Variants in COL21A1 observed in about 807,000 individuals in gnomAD.
The protein encoded by COL21A1 is collagen type XXI alpha 1 chain, also known as collagen alpha-1(XXI) chain.
COL21A1 carries 149 observed loss-of-function variants against 137.9 expected under a neutral mutation model. The ratio of observed to expected loss-of-function variants is 1.08; its 90% confidence interval spans 0.95 to 1.24. The LOEUF (loss-of-function observed/expected upper bound fraction) is 1.24. COL21A1 is among the 50% of genes most tolerant of loss of function. The probability of loss-of-function intolerance (pLI) is 0.00; values close to 1 mark genes in which losing one functional copy is unlikely to be tolerated. For missense variants in COL21A1, 1,167 were observed against 1,158.4 expected, an observed-to-expected ratio of 1.01 and a Z score of -0.11; for synonymous variants, 456 against 391.5, an observed-to-expected ratio of 1.16 and a Z score of -1.95.
intron 1 of COL21A1, among the ~76,000 whole-genome samples, chr6:56,274,324 T>C (rs1763592022): frequency 6.6e-6 from 1 of 152,102 alleles, no homozygotes; most frequent in African/African-American, 2.4e-5. Context: ...GAATGCCTAC[T>C]CTCACCACTC....
At chr6:56,091,983 T>A (rs1156372424) in intron 17 of COL21A1, among the ~76,000 whole-genome samples, 1 of 151,988 alleles carries the variant, frequency 6.6e-6, no homozygotes, top group Non-Finnish European at 1.5e-5. Flanking sequence ...AAAAGAAAAT[T>A]CCAAAATATT....
Position 56,147,430 on chromosome 6 carries a change from TA to T in COL21A1, c.1435-5448del, listed in dbSNP as rs1337715908. Among the ~76,000 whole-genome samples the T allele has an allele frequency of 2.6e-4, 39 of 151,644 alleles. No homozygotes were observed. In the South Asian group the frequency reaches 6.5e-3, roughly 25 times the overall value. Reference sequence around the variant, plus strand: ...GCCTAGAAGAGTGCCAGGAATACAGTAAACACCCAGCAAATATAGGTATATG... The same window carrying T: ...GCCTAGAAGAGTGCCAGGAATACAGTAACACCCAGCAAATATAGGTATATG... On this transcript the variant is annotated intron_variant, in intron 10 of 29. Coordinates refer to ENST00000244728, the MANE Select transcript of COL21A1 (RefSeq NM_030820.4).
intron 16 of COL21A1, among the ~76,000 whole-genome samples, chr6:56,108,435 A>C (rs1053976425): frequency 6.6e-6 from 1 of 151,988 alleles, no homozygotes. Context: ...CAAGCAAATA[A>C]AAATAAAAAG....
chr6:56,084,588 AG>A (rs966698526), intron 17 of COL21A1, among the ~76,000 whole-genome samples: 8 of 152,214 alleles, frequency 5.3e-5, no homozygotes, highest in African/African-American at 1.9e-4. Flanking sequence ...AATGAACAAA[AG>A]GATTAGATAA....
intron 1 of COL21A1, among the ~76,000 whole-genome samples, chr6:56,194,352 G>A (rs1167252091): frequency 6.6e-6 from 1 of 152,058 alleles, no homozygotes; most frequent in Non-Finnish European, 1.5e-5. Flanking sequence ...TTATACACAT[G>A]TTTATGTACA....
chr6:56,197,233 A>C (rs1181097819), intron 1 of COL21A1, among the ~76,000 whole-genome samples: 1 of 152,046 alleles, frequency 6.6e-6, no homozygotes, highest in Non-Finnish European at 1.5e-5. Context: ...AAGACAAACA[A>C]AAGACCTGAA....
At chr6:56,267,855 A>G (rs867847172) in intron 1 of COL21A1, among the ~76,000 whole-genome samples, 18 of 152,074 alleles carry the variant, frequency 1.2e-4, no homozygotes, top group African/African-American at 4.1e-4. Context: ...AACTAGATGC[A>G]GCCAGAAAGC....
chr6:56,288,925 G>A (rs1763976023), intron 1 of COL21A1, among the ~76,000 whole-genome samples: 1 of 152,172 alleles, frequency 6.6e-6, no homozygotes, highest in South Asian at 2.1e-4. Flanking sequence ...TCCCTATTGG[G>A]ATGAAAAGTT....
At chr6:56,215,152 C>G (rs75499270) in intron 1 of COL21A1, among the ~76,000 whole-genome samples, 1 of 152,014 alleles carries the variant, frequency 6.6e-6, no homozygotes, top group Non-Finnish European at 1.5e-5. Flanking sequence ...CTTTTATTTC[C>G]GTCCCCTCAT....
At chr6:56,107,427 G>GAA (rs556628156) in intron 16 of COL21A1, among the ~76,000 whole-genome samples, 1 of 145,862 alleles carries the variant, frequency 6.9e-6, no homozygotes, top group Non-Finnish European at 1.5e-5. Flanking sequence ...GAACATTCCA[G>GAA]AAAAAAAAAA....
intron 1 of COL21A1, among the ~76,000 whole-genome samples, chr6:56,392,292 A>ACATCCCTT (rs1215223551): frequency 6.6e-6 from 1 of 152,198 alleles, no homozygotes; most frequent in Non-Finnish European, 1.5e-5. Context: ...ATAAAATTTA[A>ACATCCCTT]CATCCCTTCA....
chr6:56,133,359 A>C (rs1480821181), intron 12 of COL21A1, among the ~76,000 whole-genome samples: 1 of 152,140 alleles, frequency 6.6e-6, no homozygotes, highest in Non-Finnish European at 1.5e-5. Flanking sequence ...TAGAACTTTG[A>C]GATTATTTAG....
At chr6:56,165,096 T>C (rs1393775211) in intron 7 of COL21A1, among the ~76,000 whole-genome samples, 1 of 152,124 alleles carries the variant, frequency 6.6e-6, no homozygotes, top group East Asian at 1.9e-4. Context: ...ATAATAGCCA[T>C]GCAAGATTAA....
intron 1 of COL21A1, among the ~76,000 whole-genome samples, chr6:56,377,289 C>T (rs1263100110): frequency 1.3e-5 from 2 of 151,896 alleles, no homozygotes; most frequent in Non-Finnish European, 2.9e-5. Flanking sequence ...GCGCCCGGCC[C>T]GGAAAAACAG....
intron 16 of COL21A1, among the ~76,000 whole-genome samples, chr6:56,116,489 C>G (rs1035856488): frequency 6.7e-6 from 1 of 150,192 alleles, no homozygotes; most frequent in Non-Finnish European, 1.5e-5. Context: ...ACAGGCTTTC[C>G]CAGACAAACA....
At chr6:56,224,403 C>A (rs556954963) in intron 1 of COL21A1, among the ~76,000 whole-genome samples, 1 of 152,156 alleles carries the variant, frequency 6.6e-6, no homozygotes, top group South Asian at 2.1e-4. Context: ...TAGCTGAATT[C>A]CATGACTTAA....
At chr6:56,172,379 G>T (rs1259232874) in intron 3 of COL21A1, among the ~76,000 whole-genome samples, 1 of 152,106 alleles carries the variant, frequency 6.6e-6, no homozygotes, top group Non-Finnish European at 1.5e-5. Context: ...CATATTCAAA[G>T]TGCTGAAAGG....
rs1346742586 is a variant in COL21A1, at chr6:56,080,335, G to A, written c.1813-2762C>T. 5.3e-5 allele frequency among the ~76,000 whole-genome samples: 8 copies of A among 151,738 alleles called. No homozygotes were observed. In the Admixed American group the frequency reaches 5.3e-4, roughly 10 times the overall value. On this transcript the variant is annotated intron_variant, in intron 17 of 29. Transcript: ENST00000244728. ...TTCAGTTTGGGTTTGAGGAAGAGCA[G>A]AAAGTCAACCAGAAAATCCTGCATA...
chr6:56,070,630 G>A (rs988125109), intron 21 of COL21A1, 115 bp downstream of exon 21: 21 of 633,410 alleles, frequency 3.3e-5, no homozygotes, highest in Non-Finnish European at 4.6e-5. Context: ...CATGATAAAG[G>A]TAATCCTTAA....
Sources: gnomAD v4.1 joint callset for allele counts (sites outside exome capture counted in the v4.1 genomes callset) on GRCh38, gnomAD v4.1.1 for gene constraint, MANE v1.5 for transcripts, NCBI Gene and HGNC (gene_info 2026-07-23, HGNC 2026-07-21) for gene names.